CACNB2: variants seen among roughly 807,000 people sequenced by gnomAD.
CACNB2 encodes the protein voltage-dependent L-type calcium channel subunit beta-2.
Under a neutral mutation model 73.3 loss-of-function variants are expected in CACNB2, and 42 were observed. That is an observed-to-expected ratio of 0.57 (90% CI 0.45 to 0.74). The LOEUF is 0.74. CACNB2 is among the 30% of genes least tolerant of loss of function. The probability of loss-of-function intolerance (pLI) is 0.00; values close to 1 mark genes in which losing one functional copy is unlikely to be tolerated. For missense variants in CACNB2, 940 were observed against 853.0 expected (o/e 1.10, Z -1.27); for synonymous variants, 348 against 310.3 (o/e 1.12, Z -1.28).
intron 2 of CACNB2, among the ~76,000 whole-genome samples, chr10:18,335,784 A>ACAC (rs2040978930): frequency 6.9e-6 from 1 of 143,974 alleles, no homozygotes; most frequent in East Asian, 2.1e-4. Flanking sequence ...ACAGCAAGAA[A>ACAC]ACACACACAC....
chr10:18,374,470 A>G (rs1447243104), intron 2 of CACNB2, among the ~76,000 whole-genome samples: 1 of 152,202 alleles, frequency 6.6e-6, no homozygotes, highest in Non-Finnish European at 1.5e-5. Context: ...GCTCATGCCT[A>G]TAATCCCAGC....
chr10:18,291,781 C>T (rs1234414150), intron 2 of CACNB2, among the ~76,000 whole-genome samples: 1 of 152,136 alleles, frequency 6.6e-6, no homozygotes, highest in Admixed American at 6.5e-5. Flanking sequence ...GATTTTATAT[C>T]TCTTAAAAAG....
chr10:18,413,589 T>C (rs1328910055), intron 3 of CACNB2, among the ~76,000 whole-genome samples: 1 of 152,182 alleles, frequency 6.6e-6, no homozygotes, highest in Non-Finnish European at 1.5e-5. Context: ...TCTGAAACCT[T>C]CGTCGAAGGG....
At chr10:18,214,211 C>T (rs78300512) in intron 2 of CACNB2, among the ~76,000 whole-genome samples, 14,724 of 33,508 alleles carry the variant, frequency 0.44, 6,040 homozygotes, top group Non-Finnish European at 0.73. Context: ...TTTTTTAAAA[C>T]GGGGGCAGCA....
At chr10:18,211,684 G>T (rs373662532) in intron 2 of CACNB2, among the ~76,000 whole-genome samples, 69 of 152,228 alleles carry the variant, frequency 4.5e-4, no homozygotes, top group African/African-American at 1.5e-3. Flanking sequence ...TATAAATAGC[G>T]GAATACTGTA....
intron 2 of CACNB2, chr10:18,260,284 C>A: frequency 4.0e-6 from 1 of 247,584 alleles, no homozygotes; most frequent in Non-Finnish European, 6.4e-6. Flanking sequence ...AGAATATTGA[C>A]TTGGGAGCTC....
chr10:18,267,110 TG>T (rs2037844067), intron 2 of CACNB2, among the ~76,000 whole-genome samples: 1 of 152,192 alleles, frequency 6.6e-6, no homozygotes, highest in African/African-American at 2.4e-5. Context: ...GGGTGATATT[TG>T]GCTTTTAAGA....
intron 2 of CACNB2, among the ~76,000 whole-genome samples, chr10:18,288,486 A>T (rs549723816): frequency 2.2e-4 from 33 of 152,312 alleles, no homozygotes; most frequent in Admixed American, 4.6e-4. Flanking sequence ...AAATTGCTTT[A>T]TTCATCTTTG....
Position 18,534,744 on chromosome 10 carries a change from G to A in CACNB2, c.1206+517G>A, listed in dbSNP as rs902571372. 5.3e-5 allele frequency among the ~76,000 whole-genome samples: 8 copies of A among 152,242 alleles called. No homozygotes were observed. The East Asian group carries it at 1.5e-3, about 29-fold the overall frequency. The stretch of plus-strand genomic sequence containing the variant: ...TTAATATTCAGTGTACTAAAACAAA[G>A]TACACACAAAGCTCCTGCTGTATAC... On this transcript the variant is annotated intron_variant, in intron 11 of 13. Coordinates refer to ENST00000324631, the MANE Select transcript of CACNB2 (RefSeq NM_201596.3).
chr10:18,356,942 CTT>C (rs71402158), intron 2 of CACNB2, among the ~76,000 whole-genome samples: 1 of 101,104 alleles, frequency 9.9e-6, no homozygotes, highest in African/African-American at 3.4e-5. Flanking sequence ...GACTCAATTT[CTT>C]TTTTTTTTTT....
At chr10:18,153,872 A>C (rs1032367358) in intron 2 of CACNB2, among the ~76,000 whole-genome samples, 4 of 144,390 alleles carry the variant, frequency 2.8e-5, no homozygotes, top group Admixed American at 1.4e-4. Context: ...ATGAGCAACC[A>C]TGCCCGGCAG....
rs2054103043 is a variant in CACNB2 at position 18,542,320 on chromosome 10, T to TTATGACTTATGTC, written c.*2596_*2597insTATGACTTATGTC. The TTATGACTTATGTC allele has an allele frequency of 6.6e-6, 1 of 152,238 alleles. No homozygotes were observed. 9.4% of individuals were successfully genotyped at this position (152,238 alleles called of 1,614,324 possible). On this transcript the variant is annotated 3_prime_UTR_variant, in exon 14 of 14. Transcript: ENST00000324631. ...TTACTGAGTATAAAATCAGTAGTCA[T>TTATGACTTATGTC]AATAAACTTGACAATTCTTACATTG...
At chr10:18,314,205 G>C (rs890703786) in intron 2 of CACNB2, among the ~76,000 whole-genome samples, 1 of 152,170 alleles carries the variant, frequency 6.6e-6, no homozygotes, top group African/African-American at 2.4e-5. Flanking sequence ...AAAAAGAGTT[G>C]TTATAAAACC....
intron 2 of CACNB2, among the ~76,000 whole-genome samples, chr10:18,214,109 G>A (rs1335968754): frequency 6.6e-6 from 1 of 152,154 alleles, no homozygotes; most frequent in Non-Finnish European, 1.5e-5. Context: ...GAGGCAGGGG[G>A]GCAGTGTGTG....
At chr10:18,497,649 T>C (rs972469748) in intron 3 of CACNB2, among the ~76,000 whole-genome samples, 2 of 152,102 alleles carry the variant, frequency 1.3e-5, no homozygotes, top group Non-Finnish European at 2.9e-5. Context: ...GATCTTGAAC[T>C]CCTAGGGTCA....
intron 2 of CACNB2, among the ~76,000 whole-genome samples, chr10:18,196,388 C>A (rs1416367591): frequency 6.6e-6 from 1 of 150,658 alleles, no homozygotes; most frequent in Non-Finnish European, 1.5e-5. Context: ...CTGGTCATGG[C>A]TCATTGCAGC....
At chr10:18,308,185 G>A (rs183955207) in intron 2 of CACNB2, among the ~76,000 whole-genome samples, 67 of 151,768 alleles carry the variant, frequency 4.4e-4, no homozygotes, top group Admixed American at 4.2e-3. Context: ...GTAGAGTCCG[G>A]GTTTCGCCAT....
Position 18,539,974 on chromosome 10 carries a change from AC to A in CACNB2, c.*251del. On this transcript the variant is annotated 3_prime_UTR_variant, in exon 14 of 14. Transcript: ENST00000324631. Reference sequence around the variant, plus strand: ...CGGTTGCATACTGGACTCTTCAAAAACTGTTTTGGGTAGCTGCCACTTGAAC... The same window carrying A: ...CGGTTGCATACTGGACTCTTCAAAAATGTTTTGGGTAGCTGCCACTTGAAC... 2.4e-6 allele frequency: 1 copy of A among 411,194 alleles called. No individual in the cohort carries two copies. Among genetic ancestry groups the A allele is most frequent in the Non-Finnish European group, 4.3e-6 (1 of 229,922 alleles). The allele number at this position is 411,194 out of a possible 1,614,324, so 25.5% of individuals were successfully genotyped here.
intron 3 of CACNB2, among the ~76,000 whole-genome samples, chr10:18,457,239 C>G (rs934349469): frequency 1.3e-5 from 2 of 152,048 alleles, no homozygotes; most frequent in East Asian, 1.9e-4. Flanking sequence ...TACAGACATG[C>G]GCCACCACAA....
Sources: allele counts gnomAD v4.1 joint callset (sites outside exome capture counted in the v4.1 genomes callset), GRCh38; gene constraint gnomAD v4.1.1; transcripts MANE v1.5; gene names NCBI Gene and HGNC (gene_info 2026-07-23, HGNC 2026-07-21).